SMYD2: variants seen among roughly 807,000 people sequenced by gnomAD.
SMYD2 encodes N-lysine methyltransferase SMYD2.
In SMYD2, 53 loss-of-function variants were observed where a neutral mutation model predicts 59.1. The observed-to-expected ratio is 0.90, with a 90% CI of 0.72 to 1.13. SMYD2 has a LOEUF of 1.13. SMYD2 is among the 50% of genes most tolerant of loss of function. SMYD2 has a pLI of 0.00. For missense variants in SMYD2, 494 were observed against 544.7 expected, an observed-to-expected ratio of 0.91 and a Z score of 0.93; for synonymous variants, 208 against 198.8, an observed-to-expected ratio of 1.05 and a Z score of -0.39.
At chr1:214,288,292 C>G (rs1257273702) in intron 1 of SMYD2, among the ~76,000 whole-genome samples, 2 of 152,208 alleles carry the variant, frequency 1.3e-5, no homozygotes, top group African/African-American at 4.8e-5. Context: ...TACACAGGGC[C>G]TTATTCCATT....
intron 10 of SMYD2, chr1:214,332,706 A>T (rs978108171): frequency 3.3e-5 from 5 of 153,656 alleles, no homozygotes; most frequent in Admixed American, 1.9e-4. Flanking sequence ...ATTGCTTTTT[A>T]ATTTGTAGTA....
At chr1:214,330,901 G>C in intron 8 of SMYD2, 49 bp from the exon 9 acceptor site, 2 of 1,612,362 alleles carry the variant, frequency 1.2e-6, no homozygotes, top group Non-Finnish European at 1.7e-6. Context: ...CCCTATCAGT[G>C]TGGTTTCCAT....
chr1:214,331,943 T>A, intron 9 of SMYD2, 75 bp from the exon 10 acceptor site: 1 of 1,434,526 alleles, frequency 7.0e-7, no homozygotes, highest in Non-Finnish European at 9.4e-7. Flanking sequence ...GTGGACGAAA[T>A]AACTCCTTGA....
chr1:214,313,807 G>A (rs1013160597), intron 2 of SMYD2, among the ~76,000 whole-genome samples: 24 of 152,022 alleles, frequency 1.6e-4, no homozygotes, highest in African/African-American at 5.3e-4. Context: ...AAGTGATGGC[G>A]CCTCCACCCT....
chr1:214,335,880 CCTG>C (rs1222525478), intron 11 of SMYD2, among the ~76,000 whole-genome samples: 1 of 152,146 alleles, frequency 6.6e-6, no homozygotes, highest in Non-Finnish European at 1.5e-5. Flanking sequence ...CTCAATGAAA[CCTG>C]CTACCTTTCT....
intron 1 of SMYD2, among the ~76,000 whole-genome samples, chr1:214,283,453 C>A (rs1656480700): frequency 6.6e-6 from 1 of 152,116 alleles, no homozygotes. Context: ...CCTCTCTCTC[C>A]CCAAAGAATT....
At position 214,281,385 on chromosome 1, in the gene SMYD2, C is replaced by T. The variant is rs1165374808; in HGVS notation, c.131C>T (p.Thr44Met). The change falls in exon 1 of 12, where the codon ACG (threonine) becomes ATG (methionine). Residue 44 changes from threonine (T) to methionine (M), a missense_variant. Physicochemically the swap from Thr to Met is moderately conservative, Grantham distance 81. Coordinates refer to ENST00000366957, the MANE Select transcript of SMYD2 (RefSeq NM_020197.3). ...TGCCCGGCCTATGCCTACGTGCTCA[C>T]GGTCAACGAGCGGGGCAACCACTGC... The part of the protein sequence containing the change: ...FSCPAYAYVL[T>M]VNERGNHCEY... 1 of 1,466,024 alleles carries T rather than the reference C, an allele frequency of 6.8e-7. No homozygotes were observed. 90.8% of individuals were successfully genotyped at this position (1,466,024 alleles called of 1,614,324 possible). A position where few individuals can be genotyped will look rare whatever the true frequency, so the allele number is the denominator to read the frequency against.
intron 6 of SMYD2, among the ~76,000 whole-genome samples, chr1:214,325,158 C>T (rs1050896345): frequency 6.6e-6 from 1 of 152,198 alleles, no homozygotes; most frequent in Non-Finnish European, 1.5e-5. Context: ...AGAAACAGCA[C>T]AATTTGGAGG....
Position 214,318,898 on chromosome 1 carries a change from A to T in SMYD2, c.449A>T (p.Gln150Leu). The T allele has an allele frequency of 1.2e-6, 2 of 1,614,112 alleles. No homozygotes were observed. The highest frequency in any genetic ancestry group is 2.2e-5 in the South Asian group (2 of 91,082). ...KLDNEKKDLIQSDIAALHHFY... is the reference protein window; with the variant it reads ...KLDNEKKDLILSDIAALHHFY... ...GACAATGAGAAGAAGGATTTGATTC[A>T]GAGTGACATAGCTGCTCTCCATCAC... The change falls in exon 5 of 12, where the codon CAG becomes CTG. Residue 150 changes from glutamine to leucine, a missense_variant. By Grantham distance (113) the Gln-to-Leu change is moderately radical. Coordinates refer to ENST00000366957, the MANE Select transcript of SMYD2 (RefSeq NM_020197.3). This position sits in a 1 kb window ranked among gnomAD's most constrained non-coding sequence, Gnocchi z 5.4.
At chr1:214,302,893 C>T (rs1446056626) in intron 1 of SMYD2, among the ~76,000 whole-genome samples, 2 of 152,074 alleles carry the variant, frequency 1.3e-5, no homozygotes, top group African/African-American at 4.8e-5. Context: ...GTCTTTTTAA[C>T]CATGATAATT....
chr1:214,330,915 C>T (rs750286850), intron 8 of SMYD2, 35 bp from the exon 9 acceptor site: 44 of 1,612,838 alleles, frequency 2.7e-5, no homozygotes, highest in African/African-American at 6.7e-5. Flanking sequence ...TTTCCATGGG[C>T]GGTAACGCCT....
At chr1:214,285,332 G>A (rs1329079375) in intron 1 of SMYD2, among the ~76,000 whole-genome samples, 1 of 152,172 alleles carries the variant, frequency 6.6e-6, no homozygotes, top group East Asian at 1.9e-4. Context: ...TTTTCCTGAA[G>A]TTCTCTGAAC....
intron 11 of SMYD2, among the ~76,000 whole-genome samples, chr1:214,334,816 G>A (rs1657411096): frequency 6.6e-6 from 1 of 152,178 alleles, no homozygotes; most frequent in Admixed American, 6.5e-5. Context: ...GATGAAGAAA[G>A]TGAGGTTCAA....
chr1:214,299,586 A>G (rs1455987844), intron 1 of SMYD2, among the ~76,000 whole-genome samples: 1 of 151,848 alleles, frequency 6.6e-6, no homozygotes, highest in Non-Finnish European at 1.5e-5. Flanking sequence ...GCAGAAAGAG[A>G]AAACCAAATA....
chr1:214,317,322 C>T (rs1184477904), intron 3 of SMYD2, among the ~76,000 whole-genome samples: 1 of 152,120 alleles, frequency 6.6e-6, no homozygotes, highest in Non-Finnish European at 1.5e-5. Flanking sequence ...AAAAACAGAC[C>T]ATTTGTATTC....
At chr1:214,308,757 G>A (rs905796387) in intron 2 of SMYD2, among the ~76,000 whole-genome samples, 1 of 151,880 alleles carries the variant, frequency 6.6e-6, no homozygotes, top group Non-Finnish European at 1.5e-5. Context: ...ATAAGAAAAC[G>A]TAGTCCCAAG....
At chr1:214,289,598 A>G (rs1051737822) in intron 1 of SMYD2, among the ~76,000 whole-genome samples, 8 of 152,206 alleles carry the variant, frequency 5.3e-5, no homozygotes, top group African/African-American at 1.7e-4. Context: ...CTCTTCTCAC[A>G]GACAGCTCCT....
At chr1:214,304,109 C>G (rs952225458) in intron 1 of SMYD2, among the ~76,000 whole-genome samples, 3 of 152,174 alleles carry the variant, frequency 2.0e-5, no homozygotes, top group Admixed American at 1.3e-4. Context: ...AGTTGGGAAG[C>G]AACAATGTCC....
At chr1:214,293,012 TG>T (rs1656661744) in intron 1 of SMYD2, among the ~76,000 whole-genome samples, 2 of 254 alleles carry the variant, frequency 7.9e-3, no homozygotes, top group Admixed American at 0.062. Flanking sequence ...TTTTTCTGTT[TG>T]TGTGTGTGTG....
Sources: allele counts gnomAD v4.1 joint callset (sites outside exome capture counted in the v4.1 genomes callset), GRCh38; gene constraint gnomAD v4.1.1; non-coding constraint Gnocchi (gnomAD v3.1); transcripts MANE v1.5; gene names NCBI Gene and HGNC (gene_info 2026-07-23, HGNC 2026-07-21).